The following DCDC2 variants were observed in gnomAD, a reference collection of about 807,000 sequenced individuals.
The protein encoded by DCDC2 is doublecortin domain-containing protein 2.
In DCDC2, 40 loss-of-function variants were observed where a neutral mutation model predicts 50.2. That is an observed-to-expected ratio of 0.80 (90% CI 0.62 to 1.04). The LOEUF is 1.04. Ranked by LOEUF, DCDC2 falls within the 50% of genes least tolerant of loss-of-function variation. The pLI, the probability that DCDC2 is intolerant of heterozygous loss-of-function variation, is 0.00. For missense variants in DCDC2, 570 were observed against 581.9 expected, an observed-to-expected ratio of 0.98 and a Z score of 0.21; for synonymous variants, 234 against 210.6, an observed-to-expected ratio of 1.11 and a Z score of -0.96.
chr6:24,250,128 C>A (rs929256627), intron 7 of DCDC2, among the ~76,000 whole-genome samples: 6 of 152,172 alleles, frequency 3.9e-5, no homozygotes, highest in Admixed American at 6.5e-5. Flanking sequence ...TCTGATCCTT[C>A]TCATCATCTC....
chr6:24,360,276 G>T (rs1240540113), upstream of DCDC2, among the ~76,000 whole-genome samples: 1 of 152,196 alleles, frequency 6.6e-6, no homozygotes, highest in Non-Finnish European at 1.5e-5. Flanking sequence ...GGAGGAAGAG[G>T]GAGAAACAGG....
upstream of DCDC2, among the ~76,000 whole-genome samples, chr6:24,359,222 T>TA (rs1561789258): frequency 3.4e-4 from 12 of 35,582 alleles, no homozygotes; most frequent in South Asian, 2.7e-3. Flanking sequence ...TATTATATAT[T>TA]TTATATATTT....
chr6:24,174,900 A>G, intron 9 of DCDC2, 66 bp from the exon 10 acceptor site: 1 of 952,736 alleles, frequency 1.0e-6, no homozygotes, highest in African/African-American at 1.7e-5. Flanking sequence ...TGACATTTAT[A>G]AAGAAAAAAT....
chr6:24,344,317 T>C (rs1760214566), intron 2 of DCDC2, among the ~76,000 whole-genome samples: 1 of 152,228 alleles, frequency 6.6e-6, no homozygotes, highest in African/African-American at 2.4e-5. Flanking sequence ...AAGTGGTATT[T>C]TACACATATT....
intron 2 of DCDC2, among the ~76,000 whole-genome samples, chr6:24,331,175 C>A (rs1303957900): frequency 3.3e-5 from 5 of 152,146 alleles, no homozygotes; most frequent in African/African-American, 1.2e-4. Flanking sequence ...CCTCTGGTAA[C>A]AATGTATAAT....
At chr6:24,229,222 G>A (rs962959829) in intron 7 of DCDC2, among the ~76,000 whole-genome samples, 1 of 152,178 alleles carries the variant, frequency 6.6e-6, no homozygotes. Flanking sequence ...TCCTTCTGGA[G>A]GCTCTAGGGC....
intron 7 of DCDC2, among the ~76,000 whole-genome samples, chr6:24,219,808 ATG>A (rs991504972): frequency 2.0e-5 from 3 of 152,204 alleles, no homozygotes; most frequent in African/African-American, 4.8e-5. Flanking sequence ...TGGGTGCAAT[ATG>A]TGTGTGTTTG....
chr6:24,233,443 A>C (rs1762377811), intron 7 of DCDC2, among the ~76,000 whole-genome samples: 1 of 152,162 alleles, frequency 6.6e-6, no homozygotes, highest in African/African-American at 2.4e-5. Flanking sequence ...AATGTTACCT[A>C]TTTTGTATAC....
chr6:24,272,988 G>T (rs1005458199), intron 7 of DCDC2, among the ~76,000 whole-genome samples: 4 of 149,872 alleles, frequency 2.7e-5, no homozygotes, highest in African/African-American at 1.0e-4. Flanking sequence ...ACTGGAAAAA[G>T]AAAATGTGTG....
chr6:24,336,531 T>A (rs1399744292), intron 2 of DCDC2, among the ~76,000 whole-genome samples: 1 of 152,210 alleles, frequency 6.6e-6, no homozygotes, highest in African/African-American at 2.4e-5. Flanking sequence ...TGATCTCAAC[T>A]ATTTATCAAA....
chr6:24,346,004 C>G (rs1370582174), intron 2 of DCDC2, among the ~76,000 whole-genome samples: 1 of 151,940 alleles, frequency 6.6e-6, no homozygotes, highest in African/African-American at 2.4e-5. Flanking sequence ...CATGGTGAAA[C>G]CCCATCTCAA....
chr6:24,347,905 T>G (rs781053313), intron 2 of DCDC2, among the ~76,000 whole-genome samples: 51 of 152,216 alleles, frequency 3.4e-4, no homozygotes, highest in Non-Finnish European at 5.6e-4. Context: ...ACCAGGCATG[T>G]GCAAGGCAAA....
chr6:24,180,440 A>G (rs1205428441), intron 8 of DCDC2, among the ~76,000 whole-genome samples: 1 of 151,726 alleles, frequency 6.6e-6, no homozygotes, highest in Non-Finnish European at 1.5e-5. Context: ...GCCCGCCACC[A>G]CGCCCGGCTA....
chr6:24,241,731 C>T (rs1378490603), intron 7 of DCDC2, among the ~76,000 whole-genome samples: 1 of 152,190 alleles, frequency 6.6e-6, no homozygotes, highest in Non-Finnish European at 1.5e-5. Context: ...AGCCACCTTC[C>T]CCAAAGTCCT....
chr6:24,296,935 C>A (rs1202214396), intron 4 of DCDC2, among the ~76,000 whole-genome samples: 2 of 152,132 alleles, frequency 1.3e-5, no homozygotes, highest in African/African-American at 2.4e-5. Context: ...ACAGAACTAC[C>A]GTTTGACCCA....
chr6:24,241,727 C>T (rs796333308), intron 7 of DCDC2, among the ~76,000 whole-genome samples: 6 of 152,310 alleles, frequency 3.9e-5, no homozygotes, highest in African/African-American at 1.4e-4. Context: ...GATAAGCCAC[C>T]TTCCCCAAAG....
At chr6:24,218,228 T>C (rs1260400113) in intron 7 of DCDC2, among the ~76,000 whole-genome samples, 1 of 152,136 alleles carries the variant, frequency 6.6e-6, no homozygotes, top group Non-Finnish European at 1.5e-5. Context: ...CAATTAATGA[T>C]AGGAAATATT....
At chr6:24,216,797 C>T (rs1041547924) in intron 7 of DCDC2, among the ~76,000 whole-genome samples, 20 of 152,320 alleles carry the variant, frequency 1.3e-4, no homozygotes, top group Middle Eastern at 3.4e-3. Flanking sequence ...CAAGTTAAAC[C>T]GATAGAGATC....
In DCDC2 at chr6:24,333,105, G is replaced by A. The variant is rs571127710; in HGVS notation, c.348+20464C>T. Among the ~76,000 whole-genome samples the A allele has an allele frequency of 1.2e-4, 19 of 152,194 alleles. No individual in the cohort carries two copies. In the East Asian group the frequency reaches 3.1e-3, roughly 25 times the overall value. On this transcript the variant is annotated intron_variant, in intron 2 of 9. Transcript: ENST00000378454. ...CAAAAAAGGCAAAAAGAAGAATGAG[G>A]GAGAATGTTCCAAACTCAAGAGAAC...
Sources: allele counts gnomAD v4.1 joint callset (sites outside exome capture counted in the v4.1 genomes callset), GRCh38; gene constraint gnomAD v4.1.1; transcripts MANE v1.5; gene names NCBI Gene and HGNC (gene_info 2026-07-23, HGNC 2026-07-21).